The following PCDHB1 variants were observed in gnomAD, a reference collection of about 807,000 sequenced individuals.
The protein encoded by PCDHB1 is protocadherin beta-1.
A neutral mutation model predicts 43.5 loss-of-function variants in PCDHB1; 44 were observed. The observed-to-expected ratio is 1.01, with a 90% CI of 0.79 to 1.30. The LOEUF (loss-of-function observed/expected upper bound fraction) is 1.30, where lower values mean the gene tolerates loss of function less well. PCDHB1 is among the 50% of genes most tolerant of loss of function. The pLI, the probability that PCDHB1 is intolerant of heterozygous loss-of-function variation, is 0.00. For synonymous variants in PCDHB1, 392 were observed against 400.8 expected (o/e 0.98, Z 0.26); for missense variants, 919 against 1,008.9 (o/e 0.91, Z 1.21).
Position 141,053,168 on chromosome 5 carries a change from G to A in PCDHB1, c.1698G>A (p.Leu566=), listed in dbSNP as rs1236690246. 6.2e-7 allele frequency: 1 copy of A among 1,614,082 alleles called. No homozygotes were observed. The highest frequency in any genetic ancestry group is 1.3e-5 in the African/African-American group (1 of 74,926). ...NDNRPMILYP[L]QNGTLPCNDL... ...ATCGTCCAATGATCTTATACCCACT[G>A]CAGAACGGCACCTTGCCCTGCAATG... is the stretch of plus-strand genomic sequence containing the variant. Residue 566 remains leucine, a synonymous_variant, in exon 1 of 1, where the codon CTG becomes CTA. Transcript: ENST00000306549.
In PCDHB1 at chr5:141,057,643, A is replaced by T. The variant is rs1159230056; in HGVS notation, c.*3716A>T. On this transcript the variant is annotated 3_prime_UTR_variant, in exon 1 of 1. Transcript: ENST00000306549. ...TTAAATTTAAAAAATGTATCGATTT[A>T]ATAAAAAATTATTTTGCCACCATTT... 1 of 152,034 alleles carries T rather than the reference A, an allele frequency of 6.6e-6. No individual in the cohort carries two copies. Among genetic ancestry groups the T allele is most frequent in the African/African-American group, 2.4e-5 (1 of 41,442 alleles). The allele number at this position is 152,034 out of a possible 1,614,324, so 9.4% of individuals were successfully genotyped here. A position where few individuals can be genotyped will look rare whatever the true frequency, so the allele number is the denominator to read the frequency against.
At position 141,058,808 on chromosome 5, in the gene PCDHB1, T is replaced by A. The variant is rs1374977328; in HGVS notation, c.*4881T>A. On this transcript the variant is annotated 3_prime_UTR_variant, in exon 1 of 1. Transcript: ENST00000306549. ...ATTTCTCTATTTCCTTTTACATTAA[T>A]TAAAATTCTTCTGGAAGGAAAACTT... 2 of 152,190 alleles carry A rather than the reference T, an allele frequency of 1.3e-5. No homozygotes were observed. The highest frequency in any genetic ancestry group is 4.8e-5 in the African/African-American group (2 of 41,452). 9.4% of individuals were successfully genotyped at this position (152,190 alleles called of 1,614,324 possible). A position where few individuals can be genotyped will look rare whatever the true frequency, so the allele number is the denominator to read the frequency against.
At position 141,053,253 on chromosome 5, in the gene PCDHB1, G is replaced by A; in HGVS notation, c.1783G>A (p.Gly595Ser). ...AGTGACCAAAGTGGTGGCTGTGGAT[G>A]GTGACTCAGGTCAGAATTCTTGGCT... The part of the protein sequence containing the change: ...YLVTKVVAVD[G>S]DSGQNSWLSY... Residue 595 changes from glycine to serine, a missense_variant, in exon 1 of 1, where the codon GGT (glycine) becomes AGT (serine). Physicochemically the swap from Gly to Ser is moderately conservative, Grantham distance 56. Transcript: ENST00000306549. 1 of 1,614,156 alleles carries A rather than the reference G, an allele frequency of 6.2e-7. No homozygotes were observed. The highest frequency in any genetic ancestry group is 8.5e-7 in the Non-Finnish European group (1 of 1,180,028).
chr5:141,051,837 G>C lies in PCDHB1; in HGVS notation c.367G>C (p.Val123Leu). The change falls in exon 1 of 1, where the codon GTA becomes CTA. Residue 123 changes from valine to leucine, a missense_variant. Physicochemically the swap from Val to Leu is conservative, Grantham distance 32 (BLOSUM62 1). Coordinates refer to ENST00000306549, the MANE Select transcript of PCDHB1 (RefSeq NM_013340.4). ...GCAGTCCTTCCGGGCCGAGGTCAGG[G>C]TATTTGATATCAATGACAATGCCCC... ...PLQSFRAEVR[V>L]FDINDNAPVF... 1.2e-6 allele frequency: 2 copies of C among 1,614,222 alleles called. No homozygotes were observed. The highest frequency in any genetic ancestry group is 1.7e-6 in the Non-Finnish European group (2 of 1,180,038).
In PCDHB1 at chr5:141,053,162, C is replaced by T. The variant is rs782553505; in HGVS notation, c.1692C>T (p.Tyr564=). The part of the protein sequence containing the change: ...DDNDNRPMIL[Y]PLQNGTLPCN... ...ATGACAATCGTCCAATGATCTTATA[C>T]CCACTGCAGAACGGCACCTTGCCCT... Residue 564 remains tyrosine, a synonymous_variant, in exon 1 of 1, where the codon TAC becomes TAT. Transcript: ENST00000306549. The T allele has an allele frequency of 2.5e-6, 4 of 1,614,188 alleles. No individual in the cohort carries two copies. The highest frequency in any genetic ancestry group is 3.4e-6 in the Non-Finnish European group (4 of 1,180,030).
Position 141,055,101 on chromosome 5 carries a change from A to G in PCDHB1, c.*1174A>G, listed in dbSNP as rs1240598683. 1 of 151,996 alleles carries G rather than the reference A, an allele frequency of 6.6e-6. No individual in the cohort carries two copies. The highest frequency in any genetic ancestry group is 1.5e-5 in the Non-Finnish European group (1 of 68,040). 9.4% of individuals were successfully genotyped at this position (151,996 alleles called of 1,614,324 possible). A position where few individuals can be genotyped will look rare whatever the true frequency, so the allele number is the denominator to read the frequency against. On this transcript the variant is annotated 3_prime_UTR_variant, in exon 1 of 1. Transcript: ENST00000306549. ...TCCCAGAGAAAATCTATTTGAAAAA[A>G]CGGAAATGGAGGGTGGGTGAGGAAA...
Position 141,051,963 on chromosome 5 carries a change from A to C in PCDHB1, c.493A>C (p.Asn165His). 6.2e-7 allele frequency: 1 copy of C among 1,614,080 alleles called. No individual in the cohort carries two copies. Among genetic ancestry groups the C allele is most frequent in the Non-Finnish European group, 8.5e-7 (1 of 1,180,014 alleles). The change falls in exon 1 of 1, where the codon AAC becomes CAC. Residue 165 changes from asparagine to histidine, a missense_variant. Asn to His is a moderately conservative substitution (Grantham distance 68, BLOSUM62 1). Coordinates refer to ENST00000306549, the MANE Select transcript of PCDHB1 (RefSeq NM_013340.4). The stretch of plus-strand genomic sequence containing the variant: ...CGCCCAGGATCTGGACGTGGGCCTT[A>C]ACGGTCTCCAGAACTACACCCTGAG... ...QSAQDLDVGL[N>H]GLQNYTLSAN...
Position 141,053,700 on chromosome 5 carries a change from C to T in PCDHB1, c.2230C>T (p.Gln744Ter), listed in dbSNP as rs142506909. ...CNFSNNLVQG[Q>*]GNGSLSRPCP... The stretch of plus-strand genomic sequence containing the variant: ...TTTCTCTAACAACCTGGTACAAGGA[C>T]AAGGCAATGGATCCTTATCTCGGCC... The change falls in exon 1 of 1, where the codon CAA becomes TAA. Residue 744 changes from glutamine to a stop codon, truncating the protein, a stop_gained. Transcript: ENST00000306549. LOFTEE classifies it high-confidence loss of function. 51 of 1,613,944 alleles carry T rather than the reference C, an allele frequency of 3.2e-5. No individual in the cohort carries two copies. In the African/African-American group the frequency reaches 4.7e-4, roughly 15 times the overall value.
At position 141,058,888 on chromosome 5, in the gene PCDHB1, G is replaced by C. The variant is rs1264354538; in HGVS notation, c.*4961G>C. 1.3e-5 allele frequency: 2 copies of C among 152,000 alleles called. No homozygotes were observed. The highest frequency in any genetic ancestry group is 2.4e-5 in the African/African-American group (1 of 41,396). 9.4% of individuals were successfully genotyped at this position (152,000 alleles called of 1,614,324 possible). A position where few individuals can be genotyped will look rare whatever the true frequency, so the allele number is the denominator to read the frequency against. On this transcript the variant is annotated 3_prime_UTR_variant, in exon 1 of 1. Coordinates refer to ENST00000306549, the MANE Select transcript of PCDHB1 (RefSeq NM_013340.4). ...TTATTTCTTTACATAAGGATACCTG[G>C]ATATCTCCTCTATTATTTGGGTTAC...
chr5:141,051,426 C>A lies in PCDHB1; in HGVS notation c.-45C>A, dbSNP rs1016892101. The A allele has an allele frequency of 5.0e-6, 8 of 1,596,198 alleles. No individual in the cohort carries two copies. Among genetic ancestry groups the A allele is most frequent in the South Asian group, 1.1e-5 (1 of 89,310 alleles). Reference sequence around the variant, plus strand: ...TGTTGCAGAAAAGTGAAAGTATATCCGCAACAGTTGGCTCTGATTGCAGAG... The same window carrying A: ...TGTTGCAGAAAAGTGAAAGTATATCAGCAACAGTTGGCTCTGATTGCAGAG... On this transcript the variant is annotated 5_prime_UTR_variant, in exon 1 of 1. Transcript: ENST00000306549.
At position 141,053,166 on chromosome 5, in the gene PCDHB1, C is replaced by T; in HGVS notation, c.1696C>T (p.Leu566=). Residue 566 remains leucine, a synonymous_variant, in exon 1 of 1, where the codon CTG becomes TTG. Transcript: ENST00000306549. ...CAATCGTCCAATGATCTTATACCCA[C>T]TGCAGAACGGCACCTTGCCCTGCAA... ...NDNRPMILYP[L]QNGTLPCNDL... is the part of the protein sequence containing the mutation. 2.5e-6 allele frequency: 4 copies of T among 1,614,204 alleles called. No individual in the cohort carries two copies. The highest frequency in any genetic ancestry group is 3.4e-6 in the Non-Finnish European group (4 of 1,180,026).
Position 141,052,439 on chromosome 5 carries a change from T to A in PCDHB1, c.969T>A (p.Asp323Glu). The A allele has an allele frequency of 1.9e-6, 3 of 1,614,178 alleles. No homozygotes were observed. In the South Asian group the frequency reaches 3.3e-5, roughly 18 times the overall value. The change falls in exon 1 of 1, where the codon GAT becomes GAA. Residue 323 changes from aspartate to glutamate, a missense_variant. Physicochemically the swap from Asp to Glu is conservative, Grantham distance 45. Transcript: ENST00000306549. ...ETYDIDIQAT[D>E]GGGLSAHSKV... ...ACGACATTGACATTCAAGCTACAGA[T>A]GGTGGAGGCCTCTCTGCCCACAGCA...
Position 141,052,548 on chromosome 5 carries a change from TCAC to T in PCDHB1, c.1085_1087del (p.Pro362del). 1 of 1,614,140 alleles carries T rather than the reference TCAC, an allele frequency of 6.2e-7. No individual in the cohort carries two copies. The highest frequency in any genetic ancestry group is 8.5e-7 in the Non-Finnish European group (1 of 1,180,038). Reference sequence around the variant, plus strand: ...TGTGTCCAGCCCACTCCCTGAAGACTCACCACCACAGACAGTAGTAGCCCTTTT... The same window carrying T: ...TGTGTCCAGCCCACTCCCTGAAGACTCACCACAGACAGTAGTAGCCCTTTT... On this transcript the variant is annotated inframe_deletion, in exon 1 of 1. Coordinates refer to ENST00000306549, the MANE Select transcript of PCDHB1 (RefSeq NM_013340.4).
rs1435195922 is a variant in PCDHB1, at chr5:141,051,590, G to C, written c.120G>C (p.Glu40Asp). The C allele has an allele frequency of 3.7e-6, 6 of 1,614,146 alleles. No homozygotes were observed. Among genetic ancestry groups the C allele is most frequent in the Non-Finnish European group, 4.2e-6 (5 of 1,180,056 alleles). ...GCTATTCAGTGGCAGAGGAAATGGA[G>C]AGCGGCTCGTTTGTGGCCAACGTAG... The part of the protein sequence containing the change: ...TIRYSVAEEM[E>D]SGSFVANVAK... The change falls in exon 1 of 1, where the codon GAG becomes GAC. Residue 40 changes from glutamate (E) to aspartate (D), a missense_variant. Physicochemically the swap from Glu to Asp is conservative, Grantham distance 45 (BLOSUM62 2). Coordinates refer to ENST00000306549, the MANE Select transcript of PCDHB1 (RefSeq NM_013340.4).
In PCDHB1 at chr5:141,058,991, T is replaced by C. The variant is rs1751187579; in HGVS notation, c.*5064T>C. 1 of 152,164 alleles carries C rather than the reference T, an allele frequency of 6.6e-6. No individual in the cohort carries two copies. The allele number at this position is 152,164 out of a possible 1,614,324, so 9.4% of individuals were successfully genotyped here. A position where few individuals can be genotyped will look rare whatever the true frequency, so the allele number is the denominator to read the frequency against. Reference sequence around the variant, plus strand: ...GAAGAGCAGATTTTTAAGACTGGAATTATCCATATAGAATACATTTTTATC... The same window carrying C: ...GAAGAGCAGATTTTTAAGACTGGAACTATCCATATAGAATACATTTTTATC... On this transcript the variant is annotated 3_prime_UTR_variant, in exon 1 of 1. Transcript: ENST00000306549.
chr5:141,052,058 G>T lies in PCDHB1; in HGVS notation c.588G>T (p.Leu196=). 6.2e-7 allele frequency: 1 copy of T among 1,614,184 alleles called. No homozygotes were observed. The highest frequency in any genetic ancestry group is 8.5e-7 in the Non-Finnish European group (1 of 1,180,044). Residue 196 remains leucine, a synonymous_variant, in exon 1 of 1, where the codon CTG becomes CTT. Coordinates refer to ENST00000306549, the MANE Select transcript of PCDHB1 (RefSeq NM_013340.4). The stretch of plus-strand genomic sequence containing the variant: ...GGCCTAAATATGCTGAGCTGGTGCT[G>T]AACAAACCCCTGGACCGAGAGGAGC... The part of the protein sequence containing the change: ...SHGPKYAELV[L]NKPLDREEQP...
At position 141,055,043 on chromosome 5, in the gene PCDHB1, C is replaced by T. The variant is rs1393643067; in HGVS notation, c.*1116C>T. ...GGAGCCATAGGCAAGTCTCAAATCT[C>T]CCTCTTTTATATCCAGATGTCTATC... is the stretch of plus-strand genomic sequence containing the variant. On this transcript the variant is annotated 3_prime_UTR_variant, in exon 1 of 1. Coordinates refer to ENST00000306549, the MANE Select transcript of PCDHB1 (RefSeq NM_013340.4). 1.3e-5 allele frequency: 2 copies of T among 152,052 alleles called. No homozygotes were observed. Among genetic ancestry groups the T allele is most frequent in the Non-Finnish European group, 2.9e-5 (2 of 68,034 alleles). 9.4% of individuals were successfully genotyped at this position (152,052 alleles called of 1,614,324 possible). A position where few individuals can be genotyped will look rare whatever the true frequency, so the allele number is the denominator to read the frequency against.
At position 141,057,412 on chromosome 5, in the gene PCDHB1, T is replaced by C. The variant is rs1751154385; in HGVS notation, c.*3485T>C. ...CAAAAATTAGCTGGGTGTGGTGGTA[T>C]GTGCCTGTAGTCCCAGCTACTTGGG... is the stretch of plus-strand genomic sequence containing the variant. On this transcript the variant is annotated 3_prime_UTR_variant, in exon 1 of 1. Transcript: ENST00000306549. 6.6e-6 allele frequency: 1 copy of C among 151,464 alleles called. No homozygotes were observed. The highest frequency in any genetic ancestry group is 6.6e-5 in the Admixed American group (1 of 15,192). 9.4% of individuals were successfully genotyped at this position (151,464 alleles called of 1,614,324 possible). A position where few individuals can be genotyped will look rare whatever the true frequency, so the allele number is the denominator to read the frequency against.
Position 141,058,800 on chromosome 5 carries a change from T to C in PCDHB1, c.*4873T>C. 6.6e-6 allele frequency: 1 copy of C among 152,200 alleles called. No individual in the cohort carries two copies. Among genetic ancestry groups the C allele is most frequent in the East Asian group, 1.9e-4 (1 of 5,202 alleles). 9.4% of individuals were successfully genotyped at this position (152,200 alleles called of 1,614,324 possible). A position where few individuals can be genotyped will look rare whatever the true frequency, so the allele number is the denominator to read the frequency against. On this transcript the variant is annotated 3_prime_UTR_variant, in exon 1 of 1. Transcript: ENST00000306549. ...GATTTTCTATTTCTCTATTTCCTTT[T>C]ACATTAATTAAAATTCTTCTGGAAG...
Sources: allele counts gnomAD v4.1 joint callset, GRCh38; gene constraint gnomAD v4.1.1; transcripts MANE v1.5; gene names NCBI Gene and HGNC (gene_info 2026-07-23, HGNC 2026-07-21).